The following CD36 variants were observed in gnomAD, a reference collection of about 807,000 sequenced individuals.
The protein encoded by CD36 is CD36 molecule (CD36 blood group), also known as platelet glycoprotein 4.
CD36 carries 119 observed loss-of-function variants against 55.2 expected under a neutral mutation model. The ratio of observed to expected loss-of-function variants is 2.15; its 90% CI spans 1.86 to 2.51. CD36 has a LOEUF of 2.51. CD36 is among the 30% of genes most tolerant of loss of function. The pLI is 0.00. For synonymous variants in CD36, 186 were observed against 193.6 expected, an observed-to-expected ratio of 0.96 and a Z score of 0.33; for missense variants, 819 against 555.5, an observed-to-expected ratio of 1.47 and a Z score of -4.77.
At chr7:80,635,270 TTTGTTG>T (rs1426447072), upstream of CD36, among the ~76,000 whole-genome samples, 2 of 14,322 alleles carry the variant, frequency 1.4e-4, no homozygotes, top group Non-Finnish European at 2.6e-4. Context: ...CATGCAATTA[TTTGTTG>T]TTGTTTTTGT....
At chr7:80,616,585 A>G (rs528550578) in intron 1 of CD36, among the ~76,000 whole-genome samples, 1 of 152,146 alleles carries the variant, frequency 6.6e-6, no homozygotes, top group Non-Finnish European at 1.5e-5. Flanking sequence ...AATAAATCTC[A>G]AACATTTTCT....
chr7:80,665,918 G>A (rs17154246), intron 7 of CD36: 14,401 of 154,860 alleles, frequency 0.093, 1,760 homozygotes, highest in African/African-American at 0.28. Context: ...CCAGTCCATG[G>A]GAGAATTAAA....
At chr7:80,670,381 C>G (rs1797546971) in intron 9 of CD36, 2 of 295,164 alleles carry the variant, frequency 6.8e-6, no homozygotes, top group South Asian at 7.2e-5. Flanking sequence ...CACACAAGCA[C>G]TGGAGCCTTT....
At chr7:80,656,300 C>T (rs1467026983) in intron 3 of CD36, among the ~76,000 whole-genome samples, 2 of 152,170 alleles carry the variant, frequency 1.3e-5, no homozygotes, top group African/African-American at 4.8e-5. Context: ...TTAAAATCAA[C>T]AGTCGTGTCT....
upstream of CD36, among the ~76,000 whole-genome samples, chr7:80,636,065 C>T (rs910780471): frequency 2.0e-5 from 3 of 152,076 alleles, no homozygotes; most frequent in African/African-American, 7.2e-5. Context: ...TCCCCCTCTG[C>T]AAAAACCCAA....
chr7:80,660,153 T>C (rs3212006), intron 4 of CD36, among the ~76,000 whole-genome samples: 114 of 152,286 alleles, frequency 7.5e-4, no homozygotes, highest in South Asian at 1.5e-3. Context: ...AATTATGATA[T>C]ATATCTTATT....
intron 1 of CD36, among the ~76,000 whole-genome samples, chr7:80,643,792 G>T (rs1042452157): frequency 6.6e-6 from 1 of 152,252 alleles, no homozygotes; most frequent in Non-Finnish European, 1.5e-5. Context: ...TATGTGGCTT[G>T]TCTGCTTTCA....
chr7:80,664,852 T>TAAAAA (rs11464530), intron 7 of CD36, among the ~76,000 whole-genome samples: 1 of 144,168 alleles, frequency 6.9e-6, no homozygotes, highest in African/African-American at 2.5e-5. Flanking sequence ...AATGAAAAGG[T>TAAAAA]AAAAAAAAAA....
intron 11 of CD36, 64 bp from the exon 12 acceptor site, chr7:80,672,706 A>C (rs532282063): frequency 9.1e-7 from 1 of 1,104,272 alleles, no homozygotes; most frequent in African/African-American, 1.6e-5. Flanking sequence ...AAGAAAAATA[A>C]GTTTTGAATA....
rs1195583966 is a variant in CD36 at position 80,663,101 on chromosome 7, G to A, written c.541G>A (p.Gly181Ser). The A allele has an allele frequency of 4.3e-6, 7 of 1,613,496 alleles. No individual in the cohort carries two copies. Among genetic ancestry groups the A allele is most frequent in the Non-Finnish European group, 5.9e-6 (7 of 1,179,738 alleles). ...CAGAACTTTGAGAGAACTGTTATGG[G>A]GCTATAGGGATCCATTTTTGAGTTT... Reference protein sequence around the residue: ...QVRTLRELLWGYRDPFLSLVP... With the variant: ...QVRTLRELLWSYRDPFLSLVP... Residue 181 changes from glycine (G) to serine (S), a missense_variant, in exon 6 of 15, where the codon GGC becomes AGC. Coordinates refer to ENST00000447544, the MANE Select transcript of CD36 (RefSeq NM_001001548.3).
chr7:80,663,114 C>A lies in CD36; in HGVS notation c.554C>A (p.Pro185Gln), dbSNP rs1796691920. ...GAACTGTTATGGGGCTATAGGGATC[C>A]ATTTTTGAGTTTGGTTCCGTACCCT... ...LRELLWGYRD[P>Q]FLSLVPYPVT... is the part of the protein sequence containing the mutation. Residue 185 changes from proline to glutamine, a missense_variant, in exon 6 of 15, where the codon CCA (proline) becomes CAA (glutamine). Coordinates refer to ENST00000447544, the MANE Select transcript of CD36 (RefSeq NM_001001548.3). The A allele has an allele frequency of 6.2e-7, 1 of 1,613,698 alleles. No individual in the cohort carries two copies. The highest frequency in any genetic ancestry group is 8.5e-7 in the Non-Finnish European group (1 of 1,179,810).
intron 9 of CD36, 70 bp downstream of exon 9, chr7:80,670,092 T>G (rs1797512877): frequency 1.1e-6 from 1 of 895,050 alleles, no homozygotes; most frequent in African/African-American, 1.6e-5. Flanking sequence ...ACCAAGAAAC[T>G]TAAACACAGC....
intron 1 of CD36, chr7:80,639,719 T>C (rs1279702046): frequency 2.0e-5 from 3 of 152,034 alleles, no homozygotes; most frequent in African/African-American, 7.2e-5. Flanking sequence ...AATATTGCTT[T>C]AAATATTGGT....
At chr7:80,660,472 C>T (rs1796431335) in intron 4 of CD36, among the ~76,000 whole-genome samples, 1 of 152,090 alleles carries the variant, frequency 6.6e-6, no homozygotes, top group East Asian at 1.9e-4. Flanking sequence ...TAAATATTCC[C>T]CTGCTGAAGC....
rs1798026802 is a variant in CD36 at position 80,674,132 on chromosome 7, G to GAAAAC, written c.1407_1411dup (p.Ile471LysfsTer3). On this transcript the variant is annotated frameshift_variant, in exon 14 of 15. Coordinates refer to ENST00000447544, the MANE Select transcript of CD36 (RefSeq NM_001001548.3). LOFTEE classifies it high-confidence loss of function. ...TGATTTCATATTGTGCATGCAGATC[G>GAAAAC]AAAACAATAAAATAAGTAAGTATGT... The GAAAAC allele has an allele frequency of 6.2e-7, 1 of 1,610,482 alleles. No homozygotes were observed. The highest frequency in any genetic ancestry group is 8.5e-7 in the Non-Finnish European group (1 of 1,177,508).
chr7:80,619,668 A>AAC (rs1554332910), intron 1 of CD36, among the ~76,000 whole-genome samples: 1 of 151,654 alleles, frequency 6.6e-6, no homozygotes, highest in Non-Finnish European at 1.5e-5. Context: ...AAAAAAAAAA[A>AAC]AAGGCTATAA....
chr7:80,658,276 T>C lies in CD36; in HGVS notation c.281+1576T>C, dbSNP rs3211872. 8.5e-3 allele frequency among the ~76,000 whole-genome samples: 1,288 copies of C among 151,130 alleles called. 19 individuals carry two copies. The highest frequency in any genetic ancestry group is 0.03 in the African/African-American group (1,218 of 40,862). On this transcript the variant is annotated intron_variant, in intron 4 of 14. Coordinates refer to ENST00000447544, the MANE Select transcript of CD36 (RefSeq NM_001001548.3). ...TGTTGTTAGGTGTACCATATATATATACACACATATATATATATGTATTCA... is the reference window on the plus strand; with the variant it reads ...TGTTGTTAGGTGTACCATATATATACACACACATATATATATATGTATTCA...
intron 1 of CD36, among the ~76,000 whole-genome samples, chr7:80,606,760 C>T (rs1335972541): frequency 2.0e-5 from 3 of 152,184 alleles, no homozygotes; most frequent in Non-Finnish European, 4.4e-5. Flanking sequence ...TGAACAACCA[C>T]AGCATGCACA....
intron 8 of CD36, among the ~76,000 whole-genome samples, chr7:80,667,429 CAA>C (rs564416939): frequency 6.7e-3 from 552 of 82,384 alleles, no homozygotes; most frequent in African/African-American, 0.023. Flanking sequence ...GACCCTGTCT[CAA>C]AAAAAAAAAA....
Sources: gnomAD v4.1 joint callset for allele counts (sites outside exome capture counted in the v4.1 genomes callset) on GRCh38, gnomAD v4.1.1 for gene constraint, MANE v1.5 for transcripts, NCBI Gene and HGNC (gene_info 2026-07-23, HGNC 2026-07-21) for gene names.